The following BNC2 variants were observed in gnomAD, a reference collection of about 807,000 sequenced individuals.
BNC2 encodes the protein basonuclin zinc finger protein 2, also known as zinc finger protein basonuclin-2.
In BNC2, 20 loss-of-function variants were observed where a neutral mutation model predicts 76.3. That is an observed-to-expected ratio of 0.26 (90% CI 0.18 to 0.38). BNC2 has a LOEUF of 0.38. Among genes scored for constraint, BNC2 ranks in the 10% least tolerant of loss-of-function variants. The pLI is 1.00. For synonymous variants in BNC2, 582 were observed against 514.8 expected (o/e 1.13, Z -1.77); for missense variants, 1,382 against 1,399.8 (o/e 0.99, Z 0.20).
At chr9:16,599,740 G>A (rs1046758905) in intron 3 of BNC2, among the ~76,000 whole-genome samples, 4 of 152,170 alleles carry the variant, frequency 2.6e-5, no homozygotes, top group Admixed American at 6.5e-5. Flanking sequence ...CCGAGATCAC[G>A]CCACTGCACT....
chr9:16,679,233 C>A (rs1009602280), intron 3 of BNC2, among the ~76,000 whole-genome samples: 20 of 152,302 alleles, frequency 1.3e-4, no homozygotes, highest in Admixed American at 1.2e-3. Flanking sequence ...CACATCCTCT[C>A]TACCTACCCA....
chr9:16,777,824 A>G (rs1456495856), intron 1 of BNC2, among the ~76,000 whole-genome samples: 2 of 152,192 alleles, frequency 1.3e-5, no homozygotes, highest in African/African-American at 4.8e-5. Flanking sequence ...ATGTCCTCCC[A>G]AAGAGAAGTG....
intron 3 of BNC2, among the ~76,000 whole-genome samples, chr9:16,699,734 TCAAAGAGGTTATATAACTTTTA>T (rs1823451547): frequency 1.3e-5 from 2 of 152,186 alleles, no homozygotes; most frequent in South Asian, 4.1e-4. Context: ...CAACTAAGAT[TCAAAGAGGTTATATAACTTTTA>T]CAAAGTCACA....
chr9:16,778,219 G>T (rs1458708515), intron 1 of BNC2, among the ~76,000 whole-genome samples: 1 of 152,138 alleles, frequency 6.6e-6, no homozygotes, highest in Non-Finnish European at 1.5e-5. Context: ...TCATAATGAG[G>T]ATATTGTAAA....
intron 3 of BNC2, among the ~76,000 whole-genome samples, chr9:16,683,664 C>T (rs556117371): frequency 1.3e-5 from 2 of 152,218 alleles, no homozygotes; most frequent in African/African-American, 4.8e-5. Flanking sequence ...CTAAAAAATA[C>T]TCCTGAAATA....
chr9:16,435,922 T>G lies in BNC2; in HGVS notation c.2272A>C (p.Arg758=), dbSNP rs1821001214. 6.2e-7 allele frequency: 1 copy of G among 1,613,930 alleles called. No individual in the cohort carries two copies. Among genetic ancestry groups the G allele is most frequent in the African/African-American group, 1.3e-5 (1 of 74,904 alleles). ...GGCTCACTGTGGTTCTCATCAGGCC[T>G]CTCACTATTCATCAGGACTTTTTCA... ...VSEKVLMNSE[R]PDENHSEPSH... Residue 758 remains arginine, a synonymous_variant, in exon 6 of 7, where the codon AGG becomes CGG. Transcript: ENST00000380672.
rs543272925 is a variant in BNC2 at position 16,759,834 on chromosome 9, T to C, written c.4-21349A>G. Among the ~76,000 whole-genome samples the C allele has an allele frequency of 6.1e-4, 92 of 151,942 alleles. 2 individuals carry two copies. Among genetic ancestry groups the C allele is most frequent in the Non-Finnish European group, 1.0e-3 (68 of 67,950 alleles). Reference sequence around the variant, plus strand: ...CGCCTCCCGGGTTCACACCATTCTCTTGCCTCAGCCTCCCGAGTAGCTGGG... The same window carrying C: ...CGCCTCCCGGGTTCACACCATTCTCCTGCCTCAGCCTCCCGAGTAGCTGGG... On this transcript the variant is annotated intron_variant, in intron 1 of 6. Coordinates refer to ENST00000380672, the MANE Select transcript of BNC2 (RefSeq NM_017637.6).
intron 1 of BNC2, among the ~76,000 whole-genome samples, chr9:16,860,882 C>T (rs1301345515): frequency 6.6e-6 from 1 of 151,828 alleles, no homozygotes; most frequent in Admixed American, 6.6e-5. Flanking sequence ...CCTATCTCCA[C>T]TAAAAATACA....
chr9:16,605,738 G>GATATAAT (rs1192923199), intron 3 of BNC2, among the ~76,000 whole-genome samples: 1 of 148,308 alleles, frequency 6.7e-6, no homozygotes, highest in Admixed American at 6.7e-5. Context: ...CAGAGTCTGT[G>GATATAAT]ATATAATTAG....
rs1245531903 is a variant in BNC2 at position 16,435,849 on chromosome 9, G to A, written c.2345C>T (p.Thr782Ile). ...CTGGCTCATGTAAAACATGTCGTAA[G>A]TGGGGTCTGTAAATTCTTCCTTCAC... is the stretch of plus-strand genomic sequence containing the variant. ...IKVKEEFTDPTYDMFYMSQYG... is the reference protein window; with the variant it reads ...IKVKEEFTDPIYDMFYMSQYG... The change falls in exon 6 of 7, where the codon ACT becomes ATT. Residue 782 changes from threonine to isoleucine, a missense_variant. Around this residue, in one of 3 missense-constraint regions of BNC2, gnomAD observed 798 missense variants for 775.5 expected, o/e 1.03. Transcript: ENST00000380672. The A allele has an allele frequency of 1.2e-6, 2 of 1,613,786 alleles. No homozygotes were observed. Among genetic ancestry groups the A allele is most frequent in the Non-Finnish European group, 1.7e-6 (2 of 1,179,794 alleles).
intron 1 of BNC2, among the ~76,000 whole-genome samples, chr9:16,850,763 A>G (rs1240708845): frequency 6.6e-6 from 1 of 152,044 alleles, no homozygotes; most frequent in Non-Finnish European, 1.5e-5. Context: ...GCATCACTGC[A>G]CTCCGGTCAG....
At chr9:16,791,080 G>A (rs549980462) in intron 1 of BNC2, among the ~76,000 whole-genome samples, 1 of 149,942 alleles carries the variant, frequency 6.7e-6, no homozygotes, top group Non-Finnish European at 1.5e-5. Flanking sequence ...TTTTTCTTTT[G>A]AGATGGAGTC....
chr9:16,850,573 T>C (rs1177254972), intron 1 of BNC2, among the ~76,000 whole-genome samples: 1 of 152,208 alleles, frequency 6.6e-6, no homozygotes, highest in Non-Finnish European at 1.5e-5. Flanking sequence ...TTGTCTTTTT[T>C]CTAAATCAAA....
At chr9:16,845,790 G>C in intron 1 of BNC2, among the ~76,000 whole-genome samples, 1 of 152,034 alleles carries the variant, frequency 6.6e-6, no homozygotes, top group East Asian at 1.9e-4. Flanking sequence ...AACACAAAAT[G>C]TTCAAGTTCA....
chr9:16,419,302 G>C lies in BNC2; in HGVS notation c.2987C>G (p.Ala996Gly), dbSNP rs1281236482. 6.2e-7 allele frequency: 1 copy of C among 1,613,958 alleles called. No homozygotes were observed. The highest frequency in any genetic ancestry group is 1.1e-5 in the South Asian group (1 of 91,078). Residue 996 changes from alanine to glycine, a missense_variant, in exon 7 of 7, where the codon GCG (alanine) becomes GGG (glycine). Around this residue, in one of 3 missense-constraint regions of BNC2, gnomAD observed 798 missense variants for 775.5 expected, o/e 1.03. Coordinates refer to ENST00000380672, the MANE Select transcript of BNC2 (RefSeq NM_017637.6). Reference protein sequence around the residue: ...EGILLDDIDGASDSGESAHKA... With the variant: ...EGILLDDIDGGSDSGESAHKA... Reference sequence around the variant, plus strand: ...GTGTGCCGACTCCCCACTGTCACTCGCCCCGTCAATGTCATCGAGAAGAAT... The same window carrying C: ...GTGTGCCGACTCCCCACTGTCACTCCCCCCGTCAATGTCATCGAGAAGAAT...
At chr9:16,626,962 C>T (rs757515184) in intron 3 of BNC2, among the ~76,000 whole-genome samples, 3 of 152,204 alleles carry the variant, frequency 2.0e-5, no homozygotes, top group Non-Finnish European at 2.9e-5. Flanking sequence ...GGCATGTCTC[C>T]GTGTCGGTAA....
intron 4 of BNC2, chr9:16,579,823 G>T (rs75536400): frequency 3.3e-6 from 1 of 306,240 alleles, no homozygotes; most frequent in East Asian, 5.4e-5. Context: ...TTCAAGAAAG[G>T]AGGTCAACAA....
chr9:16,688,158 C>T (rs533761291), intron 3 of BNC2, among the ~76,000 whole-genome samples: 1 of 152,292 alleles, frequency 6.6e-6, no homozygotes, highest in African/African-American at 2.4e-5. Flanking sequence ...ATACACCACA[C>T]TCTCACCCCA....
intron 5 of BNC2, among the ~76,000 whole-genome samples, chr9:16,486,195 C>A (rs1427595069): frequency 6.6e-6 from 1 of 152,206 alleles, no homozygotes; most frequent in Non-Finnish European, 1.5e-5. Context: ...CCATAGGGAT[C>A]CATCTGCCTC....
Sources: gnomAD v4.1 joint callset for allele counts (sites outside exome capture counted in the v4.1 genomes callset) on GRCh38, gnomAD v4.1.1 for gene constraint, gnomAD v4.1.1 regional missense constraint, MANE v1.5 for transcripts, NCBI Gene and HGNC (gene_info 2026-07-23, HGNC 2026-07-21) for gene names.